SRGAP2: variants seen among roughly 807,000 people sequenced by gnomAD.
SRGAP2 encodes the protein SLIT-ROBO Rho GTPase activating protein 2.
Under a neutral mutation model 57.2 loss-of-function variants are expected in SRGAP2, and 15 were observed. The observed-to-expected ratio is 0.26, with a 90% CI of 0.18 to 0.40. The LOEUF is 0.40. Ranked by LOEUF, SRGAP2 falls within the 10% of genes least tolerant of loss-of-function variation. The pLI is 1.00. For synonymous variants in SRGAP2, 249 were observed against 248.0 expected (o/e 1.00, Z -0.04); for missense variants, 520 against 669.6 (o/e 0.78, Z 2.47).
intron 2 of SRGAP2, among the ~76,000 whole-genome samples, chr1:206,250,284 A>G (rs1241677081): frequency 6.6e-6 from 1 of 151,910 alleles, no homozygotes; most frequent in African/African-American, 2.4e-5. Flanking sequence ...ACTCACAGTC[A>G]TAAAGCTATA....
chr1:206,373,617 C>T (rs1171407437), intron 4 of SRGAP2, among the ~76,000 whole-genome samples: 4 of 37,478 alleles, frequency 1.1e-4, no homozygotes, highest in African/African-American at 4.5e-4. Flanking sequence ...CACCTGTAGT[C>T]CCAGCTACTT....
intron 4 of SRGAP2, among the ~76,000 whole-genome samples, chr1:206,347,940 G>A (rs1675768759): frequency 6.6e-6 from 1 of 151,904 alleles, no homozygotes; most frequent in Non-Finnish European, 1.5e-5. Flanking sequence ...CCCCCTGTAA[G>A]AGGGAAACAA....
intron 2 of SRGAP2, among the ~76,000 whole-genome samples, chr1:206,221,464 A>G (rs1398573773): frequency 6.6e-6 from 1 of 151,912 alleles, no homozygotes; most frequent in Non-Finnish European, 1.5e-5. Context: ...CTTCTTGCTG[A>G]TGCGAACTCT....
At chr1:206,410,968 C>A (rs1389023551) in intron 10 of SRGAP2, among the ~76,000 whole-genome samples, 3 of 152,240 alleles carry the variant, frequency 2.0e-5, no homozygotes, top group African/African-American at 7.2e-5. Flanking sequence ...TCAAGCAGTT[C>A]TCCTGCCTCA....
intron 3 of SRGAP2, among the ~76,000 whole-genome samples, chr1:206,314,599 T>G (rs1388937752): frequency 6.6e-6 from 1 of 152,112 alleles, no homozygotes; most frequent in East Asian, 1.9e-4. Flanking sequence ...GCTAAAGAGA[T>G]TTTTTGGCTG....
At chr1:206,321,862 T>C (rs868952913) in intron 3 of SRGAP2, among the ~76,000 whole-genome samples, 1 of 152,258 alleles carries the variant, frequency 6.6e-6, no homozygotes, top group African/African-American at 2.4e-5. Context: ...TAACTTGTAC[T>C]TTCCTTGCCT....
intron 18 of SRGAP2, among the ~76,000 whole-genome samples, chr1:206,447,889 T>G (rs1406394648): frequency 6.7e-6 from 1 of 149,662 alleles, no homozygotes; most frequent in Non-Finnish European, 1.5e-5. Flanking sequence ...TCCTCCAGTT[T>G]CCTCCAAGAT....
chr1:206,319,663 C>T (rs1173674430), intron 3 of SRGAP2, among the ~76,000 whole-genome samples: 1 of 138,418 alleles, frequency 7.2e-6, no homozygotes, highest in African/African-American at 3.0e-5. Flanking sequence ...AGGTTCTTAT[C>T]GTACATCAGA....
chr1:206,428,400 G>A (rs1487181309), intron 13 of SRGAP2, among the ~76,000 whole-genome samples: 1 of 140,574 alleles, frequency 7.1e-6, no homozygotes, highest in Non-Finnish European at 1.5e-5. Flanking sequence ...TGGCCTGGGC[G>A]ACTGATTGAG....
intron 2 of SRGAP2, among the ~76,000 whole-genome samples, chr1:206,302,704 A>C (rs1195140087): frequency 6.6e-6 from 1 of 151,746 alleles, no homozygotes; most frequent in Non-Finnish European, 1.5e-5. Flanking sequence ...TTTTCTTCCT[A>C]TCTCCATTAA....
intron 2 of SRGAP2, among the ~76,000 whole-genome samples, chr1:206,220,618 C>T (rs1220846775): frequency 1.3e-5 from 2 of 152,194 alleles, no homozygotes; most frequent in Non-Finnish European, 2.9e-5. Context: ...CATCTTGTTC[C>T]AGTGACCCAA....
chr1:206,449,309 T>C (rs1004587287), intron 18 of SRGAP2, among the ~76,000 whole-genome samples: 3 of 149,436 alleles, frequency 2.0e-5, no homozygotes, highest in Non-Finnish European at 3.0e-5. Context: ...TTTTTTTTTT[T>C]TAGACAGGAT....
chr1:206,452,299 T>C (rs925937606), intron 19 of SRGAP2, among the ~76,000 whole-genome samples: 1 of 152,106 alleles, frequency 6.6e-6, no homozygotes, highest in Non-Finnish European at 1.5e-5. Context: ...ATTTTTTTCA[T>C]AGGTTGGTCA....
intron 10 of SRGAP2, among the ~76,000 whole-genome samples, chr1:206,413,813 G>GT (rs1659428078): frequency 6.6e-6 from 1 of 152,168 alleles, no homozygotes; most frequent in African/African-American, 2.4e-5. Flanking sequence ...TGACAGGGCT[G>GT]TATGAGAAGT....
chr1:206,401,826 G>A (rs1391623961), intron 8 of SRGAP2, among the ~76,000 whole-genome samples, 181 bp downstream of exon 8: 2 of 152,090 alleles, frequency 1.3e-5, no homozygotes, highest in Non-Finnish European at 2.9e-5. Flanking sequence ...TCAGACACTC[G>A]GGCTTGGGTG....
At chr1:206,448,932 T>A (rs939251269) in intron 18 of SRGAP2, among the ~76,000 whole-genome samples, 13 of 152,218 alleles carry the variant, frequency 8.5e-5, no homozygotes, top group Non-Finnish European at 1.5e-4. Context: ...AGTGACTTGC[T>A]CTACACAGGA....
chr1:206,413,625 G>C (rs12089934), intron 10 of SRGAP2, among the ~76,000 whole-genome samples: 3,228 of 152,292 alleles, frequency 0.021, 52 homozygotes, highest in African/African-American at 0.044. Flanking sequence ...TGCTGAGGAA[G>C]GGTCTACCCA....
At chr1:206,241,108 C>T (rs1342371504) in intron 2 of SRGAP2, among the ~76,000 whole-genome samples, 15 of 152,230 alleles carry the variant, frequency 9.9e-5, no homozygotes, top group African/African-American at 3.1e-4. Flanking sequence ...CACCTAAGCC[C>T]GGAAGGTCGA....
intron 2 of SRGAP2, among the ~76,000 whole-genome samples, chr1:206,273,848 T>G (rs1670259341): frequency 6.6e-6 from 1 of 150,974 alleles, no homozygotes; most frequent in African/African-American, 2.5e-5. Context: ...GAATAAGTGC[T>G]TCTACAACGG....
Sources: allele counts gnomAD v4.1 joint callset (sites outside exome capture counted in the v4.1 genomes callset), GRCh38; gene constraint gnomAD v4.1.1; transcripts MANE v1.5; gene names NCBI Gene and HGNC (gene_info 2026-07-23, HGNC 2026-07-21).